Variants in KLHL29 observed in about 807,000 individuals in gnomAD.
KLHL29 encodes kelch like family member 29.
In KLHL29, 21 loss-of-function variants were observed where a neutral mutation model predicts 80.4. The ratio of observed to expected loss-of-function variants is 0.26; its 90% CI spans 0.19 to 0.38. The LOEUF is 0.38. KLHL29 is among the 10% of genes least tolerant of loss of function. The pLI, the probability that KLHL29 is intolerant of heterozygous loss-of-function variation, is 1.00. For synonymous variants in KLHL29, 511 were observed against 526.8 expected (o/e 0.97, Z 0.41); for missense variants, 867 against 1,223.9 (o/e 0.71, Z 4.35).
At chr2:23,481,714 G>A (rs143540080) in intron 2 of KLHL29, among the ~76,000 whole-genome samples, 1,524 of 152,272 alleles carry the variant, frequency 0.01, 28 homozygotes, top group African/African-American at 0.034. Context: ...TCAGGAGTTC[G>A]AGACCAGCCT....
At chr2:23,508,988 A>C (rs560386831) in intron 2 of KLHL29, among the ~76,000 whole-genome samples, 7 of 152,324 alleles carry the variant, frequency 4.6e-5, no homozygotes, top group African/African-American at 1.7e-4. Flanking sequence ...CATCTGTAAA[A>C]GATTTGGATG....
chr2:23,533,556 C>T (rs951159710), intron 2 of KLHL29, among the ~76,000 whole-genome samples: 4 of 150,102 alleles, frequency 2.7e-5, no homozygotes, highest in Non-Finnish European at 1.5e-5. Flanking sequence ...GGAGCCTTGG[C>T]GCTGGCTCGC....
intron 4 of KLHL29, among the ~76,000 whole-genome samples, chr2:23,640,786 C>T (rs1329979641): frequency 6.6e-6 from 1 of 152,206 alleles, no homozygotes; most frequent in Non-Finnish European, 1.5e-5. Context: ...AAGGCTTGGG[C>T]CTACGGTCCC....
rs142650247 is a variant in KLHL29, at chr2:23,533,117, G to A, written c.-45-29035G>A. Among the ~76,000 whole-genome samples the A allele has an allele frequency of 2.1e-4, 32 of 152,292 alleles. No individual in the cohort carries two copies. The East Asian group carries it at 5.8e-3, about 28-fold the overall frequency. On this transcript the variant is annotated intron_variant, in intron 2 of 13. Transcript: ENST00000486442. ...GCGTCTCTCAGTTTTTCCTGAGCAC[G>A]TAAAGTGGTTTGGAGATATTGGGGG...
At chr2:23,637,608 A>T (rs546842882) in intron 3 of KLHL29, among the ~76,000 whole-genome samples, 2 of 152,338 alleles carry the variant, frequency 1.3e-5, no homozygotes, top group Admixed American at 1.3e-4. Flanking sequence ...CTAATGGGAT[A>T]CGGCTCCCGT....
intron 2 of KLHL29, among the ~76,000 whole-genome samples, chr2:23,536,120 G>A (rs77157924): frequency 6.6e-6 from 1 of 152,066 alleles, no homozygotes; most frequent in African/African-American, 2.4e-5. Flanking sequence ...AGAGCGACAG[G>A]TATCCTTCCT....
intron 2 of KLHL29, among the ~76,000 whole-genome samples, chr2:23,535,327 A>C (rs1572385041): frequency 6.6e-6 from 1 of 152,182 alleles, no homozygotes; most frequent in Non-Finnish European, 1.5e-5. Flanking sequence ...AGGAGACCTC[A>C]CCCTGGCCTG....
In KLHL29 at chr2:23,697,281, ACTGTTCTTTCTT is replaced by A. The variant is rs2149215339; in HGVS notation, c.2105+769_2105+780del. 4 of 152,306 alleles carry A rather than the reference ACTGTTCTTTCTT, an allele frequency of 2.6e-5. No homozygotes were observed. The South Asian group carries it at 8.3e-4, about 32-fold the overall frequency. 9.4% of individuals were successfully genotyped at this position (152,306 alleles called of 1,614,324 possible). On this transcript the variant is annotated intron_variant, in intron 11 of 13. Transcript: ENST00000486442. Reference sequence around the variant, plus strand: ...AATCCTTTTCCCTTGAGCCAGGGAGACTGTTCTTTCTTACAGAGAACAGATGCCTGGGGGAAA... The same window carrying A: ...AATCCTTTTCCCTTGAGCCAGGGAGAACAGAGAACAGATGCCTGGGGGAAA...
intron 1 of KLHL29, among the ~76,000 whole-genome samples, chr2:23,465,324 A>G (rs1465799182): frequency 1.3e-5 from 2 of 152,222 alleles, no homozygotes; most frequent in African/African-American, 4.8e-5. Flanking sequence ...TTTTCCAGCC[A>G]GGGCATCACC....
Position 23,428,185 on chromosome 2 carries a change from C to T in KLHL29, c.-154+42405C>T, listed in dbSNP as rs1663058424. 2.0e-5 allele frequency among the ~76,000 whole-genome samples: 3 copies of T among 152,306 alleles called. No homozygotes were observed. In the South Asian group the frequency reaches 6.2e-4, roughly 32 times the overall value. ...GAGAGAACAGAGTTTGGACCGTGTCCGCAGAAGGCCTTGGAGTGTTGACGT... is the reference window on the plus strand; with the variant it reads ...GAGAGAACAGAGTTTGGACCGTGTCTGCAGAAGGCCTTGGAGTGTTGACGT... On this transcript the variant is annotated intron_variant, in intron 1 of 13. Transcript: ENST00000486442.
chr2:23,567,552 G>C, intron 3 of KLHL29, among the ~76,000 whole-genome samples: 1 of 152,340 alleles, frequency 6.6e-6, no homozygotes, highest in Non-Finnish European at 1.5e-5. Context: ...CAACGCTGGA[G>C]ATGATATCTT....
At position 23,706,785 on chromosome 2, in the gene KLHL29, G is replaced by C. The variant is rs540114741; in HGVS notation, c.*121G>C. 1.6e-6 allele frequency: 1 copy of C among 643,618 alleles called. No homozygotes were observed. Among genetic ancestry groups the C allele is most frequent in the East Asian group, 3.0e-5 (1 of 32,902 alleles). 39.9% of individuals were successfully genotyped at this position (643,618 alleles called of 1,614,324 possible). ...AAAACACAATCAAGGAACTCACTGC[G>C]CTCAACATGTTGAATATTCTCTACA... is the stretch of plus-strand genomic sequence containing the variant. On this transcript the variant is annotated 3_prime_UTR_variant, in exon 14 of 14. Coordinates refer to ENST00000486442, the MANE Select transcript of KLHL29 (RefSeq NM_052920.2).
intron 3 of KLHL29, among the ~76,000 whole-genome samples, chr2:23,627,890 G>C (rs1669358211): frequency 6.7e-6 from 1 of 149,400 alleles, no homozygotes; most frequent in African/African-American, 2.5e-5. Context: ...CCCCTGACTA[G>C]AAAGGAGGAG....
At chr2:23,662,536 C>T (rs1670441125) in intron 5 of KLHL29, among the ~76,000 whole-genome samples, 2 of 152,122 alleles carry the variant, frequency 1.3e-5, no homozygotes, top group South Asian at 2.1e-4. Flanking sequence ...TCACCAGCCC[C>T]TCCTGGGGTT....
At chr2:23,688,009 G>A (rs543131255) in intron 6 of KLHL29, among the ~76,000 whole-genome samples, 21 of 152,246 alleles carry the variant, frequency 1.4e-4, no homozygotes, top group Non-Finnish European at 1.9e-4. Context: ...GAAGGGTCCC[G>A]GCAAAGTCCT....
rs78655819 is a variant in KLHL29 at position 23,594,709 on chromosome 2, C to T, written c.285+32228C>T. On this transcript the variant is annotated intron_variant, in intron 3 of 13. Coordinates refer to ENST00000486442, the MANE Select transcript of KLHL29 (RefSeq NM_052920.2). ...ATTAAAGTAGAATAATGAGTCAATG[C>T]ACACACAACTCTGTTGTTCTTTGAC... Among the ~76,000 whole-genome samples, 836 of 152,284 alleles carry T rather than the reference C, an allele frequency of 5.5e-3. 6 individuals are homozygous for T. Among genetic ancestry groups the T allele is most frequent in the African/African-American group, 0.019 (800 of 41,578 alleles).
intron 1 of KLHL29, among the ~76,000 whole-genome samples, chr2:23,429,023 T>C (rs1663085655): frequency 6.6e-6 from 1 of 152,208 alleles, no homozygotes. Flanking sequence ...GTGTCTTCTC[T>C]CTGGGCCTTG....
chr2:23,434,421 C>CG (rs1178970154), intron 1 of KLHL29, among the ~76,000 whole-genome samples: 1 of 151,486 alleles, frequency 6.6e-6, no homozygotes, highest in Non-Finnish European at 1.5e-5. Flanking sequence ...GTTCCCATTC[C>CG]CTGGTGGGGA....
intron 3 of KLHL29, among the ~76,000 whole-genome samples, chr2:23,594,328 G>C (rs1038505681): frequency 6.6e-6 from 1 of 152,122 alleles, no homozygotes; most frequent in Non-Finnish European, 1.5e-5. Context: ...TGAAGTCTGA[G>C]GCGCCCGCAG....
Sources: gnomAD v4.1 joint callset for allele counts (sites outside exome capture counted in the v4.1 genomes callset) on GRCh38, gnomAD v4.1.1 for gene constraint, MANE v1.5 for transcripts, NCBI Gene and HGNC (gene_info 2026-07-23, HGNC 2026-07-21) for gene names.